Variants in TMC2 observed in about 807,000 individuals in gnomAD.
TMC2 encodes the protein transmembrane channel like 2, also known as transmembrane channel-like protein 2.
TMC2 carries 102 observed loss-of-function variants against 105.9 expected under a neutral mutation model. The observed-to-expected ratio is 0.96, with a 90% CI of 0.82 to 1.14. The LOEUF is 1.14. Among genes scored for constraint, TMC2 ranks in the 50% most tolerant of loss-of-function variants. The pLI, the probability that TMC2 is intolerant of heterozygous loss-of-function variation, is 0.00. For synonymous variants in TMC2, 402 were observed against 422.8 expected (o/e 0.95, Z 0.60); for missense variants, 1,093 against 1,134.3 (o/e 0.96, Z 0.52).
chr20:2,580,090 G>C (rs1055022022), intron 7 of TMC2, 34 bp downstream of exon 7: 2 of 1,397,892 alleles, frequency 1.4e-6, no homozygotes, highest in Non-Finnish European at 2.0e-6. Flanking sequence ...TTTGGATAGA[G>C]TTAAGGCTTA....
chr20:2,537,259 T>TG lies in TMC2; in HGVS notation c.35-10_35-9insG. 6.3e-7 allele frequency: 1 copy of TG among 1,599,254 alleles called. No individual in the cohort carries two copies. Among genetic ancestry groups the TG allele is most frequent in the Non-Finnish European group, 8.5e-7 (1 of 1,172,938 alleles). On this transcript the variant is annotated splice_polypyrimidine_tract_variant and intron_variant, in intron 1 of 19. Transcript: ENST00000358864. ...GGCCAGCCATTTGTCAGCAATCCTG[T>TG]CTCTTACAGCACGAGGCGGAGTGAA...
Position 2,594,985 on chromosome 20 carries a change from A to G in TMC2, c.1076+18A>G. On this transcript the variant is annotated intron_variant, in intron 9 of 19. Coordinates refer to ENST00000358864, the MANE Select transcript of TMC2 (RefSeq NM_080751.3). ...ATTCGATCGTAAGTATGACCGTCTC[A>G]TCCGCAGGCTTTGACTTCACAGCCA... is the stretch of plus-strand genomic sequence containing the variant. 1 of 1,608,324 alleles carries G rather than the reference A, an allele frequency of 6.2e-7. No individual in the cohort carries two copies. Among genetic ancestry groups the G allele is most frequent in the Non-Finnish European group, 8.5e-7 (1 of 1,176,940 alleles).
intron 7 of TMC2, among the ~76,000 whole-genome samples, chr20:2,584,747 T>C (rs921177579): frequency 2.6e-5 from 4 of 152,172 alleles, no homozygotes; most frequent in Non-Finnish European, 5.9e-5. Context: ...AGTTATTTTG[T>C]TCAAGAAAAA....
chr20:2,641,103 T>G, intron 19 of TMC2, 31 bp from the exon 20 acceptor site: 1 of 1,599,250 alleles, frequency 6.3e-7, no homozygotes, highest in Non-Finnish European at 8.6e-7. Flanking sequence ...AATCTCCCAC[T>G]TCCTCTTTCT....
intron 18 of TMC2, 78 bp downstream of exon 18, chr20:2,636,082 C>G: frequency 8.1e-7 from 1 of 1,239,156 alleles, no homozygotes; most frequent in South Asian, 1.2e-5. Flanking sequence ...CTGTGTGAGC[C>G]CAGCTGTGTT....
intron 11 of TMC2, among the ~76,000 whole-genome samples, chr20:2,607,472 C>T (rs925462441): frequency 3.3e-5 from 5 of 152,224 alleles, no homozygotes; most frequent in African/African-American, 1.2e-4. Flanking sequence ...TGTTTTAGCT[C>T]ATCTCCAGAT....
chr20:2,634,956 T>C (rs970682438), intron 17 of TMC2, among the ~76,000 whole-genome samples: 4 of 152,180 alleles, frequency 2.6e-5, no homozygotes, highest in Non-Finnish European at 5.9e-5. Flanking sequence ...ACAGGCTCTA[T>C]TGAGGCAGTT....
chr20:2,561,380 C>T (rs979824630), intron 3 of TMC2, among the ~76,000 whole-genome samples: 1 of 152,086 alleles, frequency 6.6e-6, no homozygotes, highest in Non-Finnish European at 1.5e-5. Context: ...TCTGAATAGC[C>T]TTGCAGTATG....
chr20:2,551,550 G>T (rs1263466089), intron 2 of TMC2, among the ~76,000 whole-genome samples: 1 of 151,956 alleles, frequency 6.6e-6, no homozygotes, highest in African/African-American at 2.4e-5. Flanking sequence ...CATTTATGCT[G>T]TGGTATTTTA....
intron 16 of TMC2, chr20:2,618,165 C>A (rs1051489890): frequency 6.6e-6 from 1 of 152,442 alleles, no homozygotes; most frequent in African/African-American, 2.4e-5. Context: ...TTCATCCCCA[C>A]TCCTCTCTAT....
chr20:2,539,838 T>G (rs563399627), intron 2 of TMC2, among the ~76,000 whole-genome samples: 1 of 152,240 alleles, frequency 6.6e-6, no homozygotes, highest in Non-Finnish European at 1.5e-5. Flanking sequence ...TTACGTTGTC[T>G]TATCAAAGAC....
At chr20:2,549,480 C>A (rs931644496) in intron 2 of TMC2, among the ~76,000 whole-genome samples, 1 of 152,114 alleles carries the variant, frequency 6.6e-6, no homozygotes, top group Admixed American at 6.5e-5. Flanking sequence ...TGGTTGCTTA[C>A]GTCTGTAATC....
At chr20:2,566,067 T>G (rs555234538) in intron 4 of TMC2, among the ~76,000 whole-genome samples, 7 of 152,096 alleles carry the variant, frequency 4.6e-5, no homozygotes, top group Non-Finnish European at 1.0e-4. Flanking sequence ...AAAGGCTGGC[T>G]GGACATAAAA....
chr20:2,555,196 T>C (rs550151829), intron 2 of TMC2, among the ~76,000 whole-genome samples: 79 of 152,320 alleles, frequency 5.2e-4, no homozygotes, highest in African/African-American at 1.9e-3. Context: ...TTCTCCTGCC[T>C]CAGCCTCCAA....
rs539727663 is a variant in TMC2 at position 2,595,274 on chromosome 20, A to C, written c.1076+307A>C. Among the ~76,000 whole-genome samples the C allele has an allele frequency of 5.3e-5, 8 of 152,312 alleles. No individual in the cohort carries two copies. The East Asian group carries it at 1.4e-3, about 26-fold the overall frequency. On this transcript the variant is annotated intron_variant, in intron 9 of 19. Coordinates refer to ENST00000358864, the MANE Select transcript of TMC2 (RefSeq NM_080751.3). ...AAGGCCCTGAGGCCGCAAATAGCCT[A>C]GTGTTTTCCCAAACTGCCAAAAGGC...
chr20:2,579,037 CCATGCTGACT>C, intron 5 of TMC2, 99 bp from the exon 6 acceptor site: 1 of 679,600 alleles, frequency 1.5e-6, no homozygotes. Context: ...GCAGCTTCAC[CCATGCTGACT>C]CATGCTGACC....
At chr20:2,573,691 C>G (rs6115004) in intron 5 of TMC2, among the ~76,000 whole-genome samples, 16,878 of 145,622 alleles carry the variant, frequency 0.12, 1,334 homozygotes, top group African/African-American at 0.21. Flanking sequence ...CTCCCGAGTA[C>G]CTGGGACTAC....
At chr20:2,560,653 T>C (rs1345272529) in intron 3 of TMC2, among the ~76,000 whole-genome samples, 2 of 151,880 alleles carry the variant, frequency 1.3e-5, no homozygotes, top group African/African-American at 4.8e-5. Context: ...CTGGCTAACA[T>C]GGTGAAACCC....
At chr20:2,552,475 A>G (rs2085962649) in intron 2 of TMC2, among the ~76,000 whole-genome samples, 2 of 152,206 alleles carry the variant, frequency 1.3e-5, no homozygotes, top group Non-Finnish European at 2.9e-5. Flanking sequence ...TCTTCTTCAT[A>G]TAGCTCTTAC....
Sources: gnomAD v4.1 joint callset for allele counts (sites outside exome capture counted in the v4.1 genomes callset) on GRCh38, gnomAD v4.1.1 for gene constraint, MANE v1.5 for transcripts, NCBI Gene and HGNC (gene_info 2026-07-23, HGNC 2026-07-21) for gene names.